Variants in CCT4 observed in about 807,000 individuals in gnomAD.
The protein encoded by CCT4 is T-complex protein 1 subunit delta.
In CCT4, 17 loss-of-function variants were observed where a neutral mutation model predicts 62.5. The ratio of observed to expected loss-of-function variants is 0.27; its 90% CI spans 0.19 to 0.41. The LOEUF (loss-of-function observed/expected upper bound fraction) is 0.41, where lower values mean the gene tolerates loss of function less well. Ranked by LOEUF, CCT4 falls within the 10% of genes least tolerant of loss-of-function variation. CCT4 has a pLI of 1.00. For synonymous variants in CCT4, 250 were observed against 229.9 expected (o/e 1.09, Z -0.79); for missense variants, 592 against 659.2 (o/e 0.90, Z 1.12).
rs768199507 is a variant in CCT4 at position 61,876,205 on chromosome 2, A to G, written c.807T>C (p.Tyr269=). 5.0e-6 allele frequency: 8 copies of G among 1,609,496 alleles called. No individual in the cohort carries two copies. The highest frequency in any genetic ancestry group is 5.9e-6 in the Non-Finnish European group (7 of 1,177,424). The change falls in exon 8 of 14, where the codon TAT becomes TAC. Residue 269 remains tyrosine (Y), a synonymous_variant. Transcript: ENST00000394440. Reference sequence around the variant, plus strand: ...CTCGCAGCACTCGGTCCATCTGGGCATAGTCAGAAACCACTATTTGATTAT... The same window carrying G: ...CTCGCAGCACTCGGTCCATCTGGGCGTAGTCAGAAACCACTATTTGATTAT... ...DMDNQIVVSD[Y]AQMDRVLREE... is the part of the protein sequence containing the mutation.
chr2:61,874,390 G>A (rs557218388), intron 8 of CCT4, among the ~76,000 whole-genome samples: 1 of 151,414 alleles, frequency 6.6e-6, no homozygotes, highest in East Asian at 2.0e-4. Flanking sequence ...GAGGCCAAGG[G>A]GGGGCAGACC....
rs772959578 is a variant in CCT4, at chr2:61,877,070, C to G, written c.645-18G>C. On this transcript the variant is annotated intron_variant, in intron 6 of 13. Coordinates refer to ENST00000394440, the MANE Select transcript of CCT4 (RefSeq NM_006430.4). ...TTGTCCCACTAAGGATAAAAGAAAACAAAGAGGGGTAGTTAAGAGGGAGTG... is the reference window on the plus strand; with the variant it reads ...TTGTCCCACTAAGGATAAAAGAAAAGAAAGAGGGGTAGTTAAGAGGGAGTG... 3.1e-6 allele frequency: 5 copies of G among 1,608,790 alleles called. No homozygotes were observed. Among genetic ancestry groups the G allele is most frequent in the Non-Finnish European group, 4.2e-6 (5 of 1,177,064 alleles).
chr2:61,872,210 C>T lies in CCT4; in HGVS notation c.1363G>A (p.Ala455Thr), dbSNP rs1029791801. Residue 455 changes from alanine to threonine, a missense_variant, in exon 12 of 14, where the codon GCA becomes ACA. Around this residue, in one of 3 missense-constraint regions of CCT4, gnomAD observed 522 missense variants for 571.2 expected, o/e 0.91. Coordinates refer to ENST00000394440, the MANE Select transcript of CCT4 (RefSeq NM_006430.4). ...GMESYCVRAFADAMEVIPSTL... is the reference protein window; with the variant it reads ...GMESYCVRAFTDAMEVIPSTL... Reference sequence around the variant, plus strand: ...GATGGAATGACCTCCATAGCATCTGCAAAAGCACGAACGCAGTAGGATTCC... The same window carrying T: ...GATGGAATGACCTCCATAGCATCTGTAAAAGCACGAACGCAGTAGGATTCC... The T allele has an allele frequency of 1.2e-6, 2 of 1,613,814 alleles. No individual in the cohort carries two copies. Among genetic ancestry groups the T allele is most frequent in the Non-Finnish European group, 1.7e-6 (2 of 1,179,856 alleles).
At chr2:61,871,053 A>T (rs1668873962) in intron 12 of CCT4, among the ~76,000 whole-genome samples, 2 of 144,426 alleles carry the variant, frequency 1.4e-5, no homozygotes, top group Non-Finnish European at 1.5e-5. Flanking sequence ...TTTTTTTGAG[A>T]CGGAGTCTCG....
chr2:61,887,944 T>C (rs1669297301), intron 1 of CCT4: 1 of 153,944 alleles, frequency 6.5e-6, no homozygotes, highest in African/African-American at 2.4e-5. Context: ...CCAATTCGTC[T>C]CAACAGTTGT....
Position 61,876,776 on chromosome 2 carries a change from C to T in CCT4, c.777+144G>A, listed in dbSNP as rs560817565. ...ACAGACTTGTCACTTGTGGCACCAA[C>T]AATTACTATTTTTGTCTCAATTCTA... On this transcript the variant is annotated intron_variant, in intron 7 of 13. Transcript: ENST00000394440. 1.4e-5 allele frequency: 9 copies of T among 663,972 alleles called. No homozygotes were observed. The Admixed American group carries it at 2.1e-4, about 15-fold the overall frequency. 41.1% of individuals were successfully genotyped at this position (663,972 alleles called of 1,614,324 possible). A position where few individuals can be genotyped will look rare whatever the true frequency, so the allele number is the denominator to read the frequency against.
intron 1 of CCT4, 30 bp from the exon 2 acceptor site, chr2:61,885,102 A>G (rs767366106): frequency 6.6e-5 from 99 of 1,498,116 alleles, no homozygotes; most frequent in Non-Finnish European, 8.2e-5. Context: ...AAAAGAAAAC[A>G]AATTAGAACT....
At chr2:61,887,767 C>CA (rs910728975) in intron 1 of CCT4, among the ~76,000 whole-genome samples, 15 of 151,930 alleles carry the variant, frequency 9.9e-5, no homozygotes, top group South Asian at 4.2e-4. Flanking sequence ...CACACTTCCA[C>CA]AAAAAAAACA....
At chr2:61,876,045 G>A (rs749559119) in intron 8 of CCT4, 50 bp downstream of exon 8, 58 of 1,264,088 alleles carry the variant, frequency 4.6e-5, no homozygotes, top group Admixed American at 6.3e-5. Flanking sequence ...AACTGCTAGT[G>A]GAGATCCAAA....
intron 3 of CCT4, among the ~76,000 whole-genome samples, 177 bp from the exon 4 acceptor site, chr2:61,880,571 T>C (rs975228116): frequency 2.5e-4 from 38 of 152,208 alleles, no homozygotes; most frequent in Admixed American, 1.3e-4. Flanking sequence ...TAGTAGATGA[T>C]CTCCAGTTCA....
At chr2:61,887,144 C>T (rs1669273383) in intron 1 of CCT4, among the ~76,000 whole-genome samples, 1 of 152,206 alleles carries the variant, frequency 6.6e-6, no homozygotes, top group South Asian at 2.1e-4. Flanking sequence ...TACAAACCTT[C>T]GTTTCCAGGT....
Position 61,876,963 on chromosome 2 carries a change from T to C in CCT4, c.734A>G (p.Lys245Arg). ...NSGITRVEKA[K>R]IGLIQFCLSA... ...TAAGCAAAACTGAATAAGCCCAATC[T>C]TGGCCTTTTCAACTCTGGTTATGCC... The change falls in exon 7 of 14, where the codon AAG becomes AGG. Residue 245 changes from lysine to arginine, a missense_variant. Physicochemically the swap from Lys to Arg is conservative, Grantham distance 26. Coordinates refer to ENST00000394440, the MANE Select transcript of CCT4 (RefSeq NM_006430.4). 6.2e-7 allele frequency: 1 copy of C among 1,614,030 alleles called. No homozygotes were observed. Among genetic ancestry groups the C allele is most frequent in the Non-Finnish European group, 8.5e-7 (1 of 1,179,908 alleles).
chr2:61,883,789 C>G (rs911684991), intron 2 of CCT4, among the ~76,000 whole-genome samples: 1,951 of 144,356 alleles, frequency 0.014, 16 homozygotes, highest in Non-Finnish European at 0.021. Context: ...CACACACACA[C>G]ACACACACAC....
chr2:61,884,251 G>C (rs1267605507), intron 2 of CCT4, among the ~76,000 whole-genome samples: 1 of 152,282 alleles, frequency 6.6e-6, no homozygotes, highest in East Asian at 1.9e-4. Context: ...GTTTAGTCCT[G>C]TTGACTCCAA....
chr2:61,875,945 A>T, intron 8 of CCT4, 150 bp downstream of exon 8: 1 of 504,296 alleles, frequency 2.0e-6, no homozygotes, highest in Non-Finnish European at 3.5e-6. Flanking sequence ...TAAAATAAAA[A>T]TTCTCCATTT....
rs1476387269 is a variant in CCT4, at chr2:61,872,032, T to C, written c.1491+50A>G. 8 of 1,313,190 alleles carry C rather than the reference T, an allele frequency of 6.1e-6. No individual in the cohort carries two copies. In the South Asian group the frequency reaches 1.0e-4, roughly 17 times the overall value. 81.3% of individuals were successfully genotyped at this position (1,313,190 alleles called of 1,614,324 possible). On this transcript the variant is annotated intron_variant, in intron 12 of 13. Coordinates refer to ENST00000394440, the MANE Select transcript of CCT4 (RefSeq NM_006430.4). Reference sequence around the variant, plus strand: ...ATTCAACAGATGACTACAAAGCTTTTAATATTTTAAATTAATCAATATTTT... The same window carrying C: ...ATTCAACAGATGACTACAAAGCTTTCAATATTTTAAATTAATCAATATTTT...
At chr2:61,874,780 A>G (rs17573253) in intron 8 of CCT4, among the ~76,000 whole-genome samples, 34,151 of 152,134 alleles carry the variant, frequency 0.22, 3,959 homozygotes, top group Non-Finnish European at 0.25. Flanking sequence ...ATTCTGCAAC[A>G]TGGCTTTTAA....
At chr2:61,877,968 G>C (rs1669036327) in intron 5 of CCT4, among the ~76,000 whole-genome samples, 1 of 152,172 alleles carries the variant, frequency 6.6e-6, no homozygotes, top group African/African-American at 2.4e-5. Context: ...TCAATCTTCA[G>C]ATGGAGAAAC....
chr2:61,882,546 C>T (rs1022866477), intron 3 of CCT4, among the ~76,000 whole-genome samples: 19 of 151,218 alleles, frequency 1.3e-4, no homozygotes, highest in African/African-American at 4.6e-4. Flanking sequence ...GACAGGGTCT[C>T]GCTTTGTCAC....
Sources: allele counts gnomAD v4.1 joint callset (sites outside exome capture counted in the v4.1 genomes callset), GRCh38; gene constraint gnomAD v4.1.1; regional missense constraint gnomAD v4.1.1; transcripts MANE v1.5; gene names NCBI Gene and HGNC (gene_info 2026-07-23, HGNC 2026-07-21).